DENND1A: variants seen among roughly 807,000 people sequenced by gnomAD.
The protein encoded by DENND1A is DENN domain-containing protein 1A.
Under a neutral mutation model 113.7 loss-of-function variants are expected in DENND1A, and 51 were observed. The ratio of observed to expected loss-of-function variants is 0.45; its 90% confidence interval spans 0.36 to 0.57. The LOEUF is 0.57. Among genes scored for constraint, DENND1A ranks in the 20% least tolerant of loss-of-function variants. DENND1A has a pLI of 0.00. For missense variants in DENND1A, 1,258 were observed against 1,395.9 expected (o/e 0.90, Z 1.57); for synonymous variants, 565 against 570.8 (o/e 0.99, Z 0.14).
chr9:123,922,024 G>A (rs975579738), intron 1 of DENND1A, among the ~76,000 whole-genome samples: 7 of 151,540 alleles, frequency 4.6e-5, no homozygotes, highest in Middle Eastern at 6.8e-3. Context: ...TGAGCTCTGT[G>A]GGAGCTCAAG....
At chr9:123,584,256 C>A (rs779258460) in intron 11 of DENND1A, among the ~76,000 whole-genome samples, 2 of 152,196 alleles carry the variant, frequency 1.3e-5, no homozygotes, top group Non-Finnish European at 2.9e-5. Flanking sequence ...ATGTGAAAGA[C>A]CTCATCTTAC....
rs535248698 is a variant in DENND1A at position 123,600,390 on chromosome 9, T to G, written c.765+9046A>C. 2.0e-5 allele frequency among the ~76,000 whole-genome samples: 3 copies of G among 152,256 alleles called. No individual in the cohort carries two copies. The East Asian group carries it at 5.8e-4, about 29-fold the overall frequency. On this transcript the variant is annotated intron_variant, in intron 11 of 23. Coordinates refer to ENST00000394215, the MANE Select transcript of DENND1A (RefSeq NM_001352964.2). The stretch of plus-strand genomic sequence containing the variant: ...CCTATGAAATGGGGCAACTACCTAT[T>G]TTACCAGTGAGGAGTCTGGGGCTCA...
chr9:123,420,941 G>A (rs1002481192), intron 19 of DENND1A, among the ~76,000 whole-genome samples: 2 of 151,580 alleles, frequency 1.3e-5, no homozygotes, highest in Non-Finnish European at 2.9e-5. Context: ...GTCTGAATAG[G>A]TGGCATCCCA....
At chr9:123,490,993 G>A (rs910825089) in intron 13 of DENND1A, among the ~76,000 whole-genome samples, 2 of 152,228 alleles carry the variant, frequency 1.3e-5, no homozygotes, top group African/African-American at 2.4e-5. Flanking sequence ...GGTATTTCAG[G>A]CCTTTTAGGA....
At chr9:123,838,836 C>T (rs1841425753) in intron 2 of DENND1A, among the ~76,000 whole-genome samples, 1 of 152,150 alleles carries the variant, frequency 6.6e-6, no homozygotes, top group Admixed American at 6.5e-5. Context: ...AGTGCCCAAA[C>T]CCTCCCACTG....
chr9:123,833,181 G>C (rs990955138), intron 2 of DENND1A, among the ~76,000 whole-genome samples: 1 of 148,946 alleles, frequency 6.7e-6, no homozygotes, highest in Non-Finnish European at 1.5e-5. Flanking sequence ...AAAAGGTAAT[G>C]GTTCTCTAAT....
chr9:123,548,953 G>C (rs2056875928), intron 13 of DENND1A, among the ~76,000 whole-genome samples: 1 of 152,228 alleles, frequency 6.6e-6, no homozygotes, highest in African/African-American at 2.4e-5. Flanking sequence ...CAGAGGTTCT[G>C]TTGGGAGTGA....
At chr9:123,889,152 T>C (rs1333348685) in intron 1 of DENND1A, among the ~76,000 whole-genome samples, 1 of 152,190 alleles carries the variant, frequency 6.6e-6, no homozygotes, top group East Asian at 1.9e-4. Context: ...CATGTGGTTC[T>C]ATGGAAAGAA....
chr9:123,597,134 C>T (rs1019644639), intron 11 of DENND1A, among the ~76,000 whole-genome samples: 1 of 152,196 alleles, frequency 6.6e-6, no homozygotes, highest in African/African-American at 2.4e-5. Flanking sequence ...ATTCATTCAT[C>T]ACTAAGCACT....
intron 13 of DENND1A, among the ~76,000 whole-genome samples, chr9:123,553,233 T>C (rs774139597): frequency 1.1e-4 from 16 of 152,118 alleles, no homozygotes; most frequent in East Asian, 1.9e-4. Context: ...GCCTAGGCAA[T>C]AGAGCGAGAC....
chr9:123,921,426 C>T (rs1049796801), intron 1 of DENND1A, among the ~76,000 whole-genome samples: 10 of 152,194 alleles, frequency 6.6e-5, no homozygotes, highest in South Asian at 2.1e-4. Context: ...TCTCACACCC[C>T]GGAGTTCAAG....
intron 3 of DENND1A, among the ~76,000 whole-genome samples, chr9:123,781,102 C>T (rs1212650976): frequency 6.6e-6 from 1 of 152,128 alleles, no homozygotes; most frequent in African/African-American, 2.4e-5. Flanking sequence ...CAGTACTAGC[C>T]CTCCATGTTG....
intron 1 of DENND1A, among the ~76,000 whole-genome samples, chr9:123,926,604 T>G (rs1413713915): frequency 6.8e-6 from 1 of 147,786 alleles, no homozygotes; most frequent in South Asian, 2.1e-4. Context: ...AATAATCTAG[T>G]AAAAGGCCTG....
At chr9:123,467,641 G>C (rs1007115153) in intron 13 of DENND1A, among the ~76,000 whole-genome samples, 2 of 152,258 alleles carry the variant, frequency 1.3e-5, no homozygotes, top group South Asian at 2.1e-4. Flanking sequence ...GGCAACAAGA[G>C]AGAAACTCCG....
chr9:123,706,615 C>T (rs1484434421), intron 5 of DENND1A, among the ~76,000 whole-genome samples: 2 of 150,490 alleles, frequency 1.3e-5, no homozygotes, highest in Non-Finnish European at 3.0e-5. Flanking sequence ...ACTAAAAATA[C>T]AAAAAATTAG....
chr9:123,493,417 G>A (rs780583195), intron 13 of DENND1A, among the ~76,000 whole-genome samples: 2 of 152,210 alleles, frequency 1.3e-5, no homozygotes, highest in South Asian at 2.1e-4. Flanking sequence ...GGGTGAAAGA[G>A]GATGGGCGGT....
chr9:123,522,837 G>A (rs1450703392), intron 13 of DENND1A, among the ~76,000 whole-genome samples: 1 of 152,216 alleles, frequency 6.6e-6, no homozygotes, highest in Non-Finnish European at 1.5e-5. Context: ...GTCACAGCCT[G>A]CAAGAAGCTT....
In DENND1A at chr9:123,764,448, C is replaced by T. The variant is rs926330512; in HGVS notation, c.182+5066G>A. Among the ~76,000 whole-genome samples, 6 of 152,152 alleles carry T rather than the reference C, an allele frequency of 3.9e-5. No homozygotes were observed. The highest frequency in any genetic ancestry group is 1.2e-4 in the African/African-American group (5 of 41,430). The stretch of plus-strand genomic sequence containing the variant: ...TACCACATCTCCCAGCCTTTAGTTC[C>T]GTAAGCCTCAAAGCTTCCTTCCACA... On this transcript the variant is annotated intron_variant, in intron 4 of 23. Coordinates refer to ENST00000394215, the MANE Select transcript of DENND1A (RefSeq NM_001352964.2). The surrounding 1 kb of genome is among the most constrained non-coding windows in gnomAD (Gnocchi z 4.1).
At chr9:123,653,349 C>A (rs892462619) in intron 8 of DENND1A, among the ~76,000 whole-genome samples, 1 of 152,196 alleles carries the variant, frequency 6.6e-6, no homozygotes, top group African/African-American at 2.4e-5. Flanking sequence ...GCAGTCTTCA[C>A]AAAAATCCAG....
Sources: gnomAD v4.1 joint callset for allele counts (sites outside exome capture counted in the v4.1 genomes callset) on GRCh38, gnomAD v4.1.1 for gene constraint, Gnocchi (gnomAD v3.1) non-coding constraint, MANE v1.5 for transcripts, NCBI Gene and HGNC (gene_info 2026-07-23, HGNC 2026-07-21) for gene names.